Variants in MKI67 observed in about 807,000 individuals in gnomAD.
MKI67 encodes marker of proliferation Ki-67, also known as proliferation marker protein Ki-67.
Under a neutral mutation model 233.5 loss-of-function variants are expected in MKI67, and 152 were observed. The observed-to-expected ratio is 0.65, with a 90% CI of 0.57 to 0.74. The LOEUF is 0.74. Ranked by LOEUF, MKI67 falls within the 30% of genes least tolerant of loss-of-function variation. The pLI is 0.00. For synonymous variants in MKI67, 1,465 were observed against 1,418.5 expected, an observed-to-expected ratio of 1.03 and a Z score of -0.74; for missense variants, 3,940 against 3,885.2, an observed-to-expected ratio of 1.01 and a Z score of -0.37.
At chr10:128,102,127 G>A (rs1324312629) in intron 13 of MKI67, among the ~76,000 whole-genome samples, 1 of 152,178 alleles carries the variant, frequency 6.6e-6, no homozygotes, top group African/African-American at 2.4e-5. Flanking sequence ...CATGCAGTGG[G>A]AGCCTCTCTA....
chr10:128,107,016 A>G lies in MKI67; in HGVS notation c.4824T>C (p.Asp1608=). 4 of 1,610,654 alleles carry G rather than the reference A, an allele frequency of 2.5e-6. No homozygotes were observed. The highest frequency in any genetic ancestry group is 1.1e-5 in the South Asian group (1 of 90,900). ...RGHTEESMTN[D]KTAKVACKSS... Reference sequence around the variant, plus strand: ...ATTTGCAGGCTACTTTGGCAGTTTTATCGTTAGTCATTGATTCCTCAGTGT... The same window carrying G: ...ATTTGCAGGCTACTTTGGCAGTTTTGTCGTTAGTCATTGATTCCTCAGTGT... The change falls in exon 13 of 15, where the codon GAT becomes GAC. Residue 1608 remains aspartate, a synonymous_variant. Coordinates refer to ENST00000368654, the MANE Select transcript of MKI67 (RefSeq NM_002417.5).
chr10:128,106,414 G>C lies in MKI67; in HGVS notation c.5426C>G (p.Pro1809Arg). Residue 1809 changes from proline (P) to arginine (R), a missense_variant, in exon 13 of 15, where the codon CCA (proline) becomes CGA (arginine). Transcript: ENST00000368654. ...LGTPVQKLDQ[P>R]GNLPGSNRRL... ...TCTATTGCTGCCAGGTAAATTTCCT[G>C]GCTGGTCCAGTTTCTGCACTGGAGT... 1 of 1,611,588 alleles carries C rather than the reference G, an allele frequency of 6.2e-7. No individual in the cohort carries two copies. Among genetic ancestry groups the C allele is most frequent in the Non-Finnish European group, 8.5e-7 (1 of 1,179,388 alleles).
Position 128,103,268 on chromosome 10 carries a change from C to A in MKI67, c.8572G>T (p.Val2858Phe). ...CCTGAGGTTTGTGTGAGCTTGCCAA[C>A]TGCTAACAGCTCCTCCTTCACTTCT... is the stretch of plus-strand genomic sequence containing the variant. ...KVEVKEELLA[V>F]GKLTQTSGET... Residue 2858 changes from valine to phenylalanine, a missense_variant, in exon 13 of 15, where the codon GTT becomes TTT. By Grantham distance (50) the Val-to-Phe change is conservative. Transcript: ENST00000368654. 6.2e-7 allele frequency: 1 copy of A among 1,614,176 alleles called. No individual in the cohort carries two copies. Among genetic ancestry groups the A allele is most frequent in the African/African-American group, 1.3e-5 (1 of 75,056 alleles).
rs1209550017 is a variant in MKI67, at chr10:128,103,869, T to C, written c.7971A>G (p.Val2657=). The C allele has an allele frequency of 6.2e-7, 1 of 1,614,174 alleles. No individual in the cohort carries two copies. The change falls in exon 13 of 15, where the codon GTA becomes GTG. Residue 2657 remains valine (V), a synonymous_variant. Coordinates refer to ENST00000368654, the MANE Select transcript of MKI67 (RefSeq NM_002417.5). The part of the protein sequence containing the change: ...KQRAKKKPNP[V]EEEPSRRRPR... ...GCCTTCTCCTGCTGGGTTCCTCTTC[T>C]ACTGGGTTTGGTTTCTTCTTTGCAC...
In MKI67 at chr10:128,103,781, CAG is replaced by C. The variant is rs771470063; in HGVS notation, c.8057_8058del (p.Ser2686Ter). ...GATTCCTGAGTGTGACCTGATGTTT[CAG>C]AGAGCTCTGTGAAGCCGGCCAGGTC... ...LEDLAGFTEL[S>X]ETSGHTQESL... is the part of the protein sequence containing the mutation. On this transcript the variant is annotated frameshift_variant, in exon 13 of 15. Coordinates refer to ENST00000368654, the MANE Select transcript of MKI67 (RefSeq NM_002417.5). LOFTEE classifies it high-confidence loss of function. 5.6e-6 allele frequency: 9 copies of C among 1,613,456 alleles called. No individual in the cohort carries two copies. The highest frequency in any genetic ancestry group is 7.6e-6 in the Non-Finnish European group (9 of 1,179,876).
rs12777740 is a variant in MKI67, at chr10:128,103,894, C to T, written c.7946G>A (p.Arg2649His). The change falls in exon 13 of 15, where the codon CGT (arginine) becomes CAT (histidine). Residue 2649 changes from arginine (R) to histidine (H), a missense_variant. Coordinates refer to ENST00000368654, the MANE Select transcript of MKI67 (RefSeq NM_002417.5). The stretch of plus-strand genomic sequence containing the variant: ...TACTGGGTTTGGTTTCTTCTTTGCA[C>T]GTTGCTTCAATACTTTGATGCCCTC... ...GDEGIKVLKQ[R>H]AKKKPNPVEE... The T allele has an allele frequency of 0.18, 291,836 of 1,613,672 alleles. 27,319 individuals carry two copies. The highest frequency in any genetic ancestry group is 0.28 in the African/African-American group (20,840 of 74,814).
Position 128,099,014 on chromosome 10 carries a change from C to T in MKI67, c.*176G>A. ...AACTATTCTCAGTCCAGGAGCCCAG[C>T]AGTGCTCCCAGTGGAGTTTATGAAG... On this transcript the variant is annotated 3_prime_UTR_variant, in exon 15 of 15. Transcript: ENST00000368654. 1 of 526,388 alleles carries T rather than the reference C, an allele frequency of 1.9e-6. No individual in the cohort carries two copies. Among genetic ancestry groups the T allele is most frequent in the Non-Finnish European group, 3.3e-6 (1 of 298,922 alleles). 32.6% of individuals were successfully genotyped at this position (526,388 alleles called of 1,614,324 possible).
At position 128,112,414 on chromosome 10, in the gene MKI67, G is replaced by A. The variant is rs767224508; in HGVS notation, c.1688C>T (p.Ser563Leu). 11 of 1,613,974 alleles carry A rather than the reference G, an allele frequency of 6.8e-6. No homozygotes were observed. The highest frequency in any genetic ancestry group is 9.3e-6 in the Non-Finnish European group (11 of 1,179,992). ...CACTTCCACATGGATTTCTGAACCT[G>A]ACTCTTGTTTTCCTGATGGTTGAGG... Reference protein sequence around the residue: ...EQPQPSGKQESGSEIHVEVKA... With the variant: ...EQPQPSGKQELGSEIHVEVKA... Residue 563 changes from serine (S) to leucine (L), a missense_variant, in exon 9 of 15, where the codon TCA becomes TTA. Ser to Leu is a moderately radical substitution (Grantham distance 145). Transcript: ENST00000368654.
Position 128,105,979 on chromosome 10 carries a change from A to G in MKI67, c.5861T>C (p.Leu1954Pro). ...PKEKAKALED[L>P]AGFKELFQTP... The stretch of plus-strand genomic sequence containing the variant: ...CTGGAAGAGCTCTTTGAAGCCAGCC[A>G]GATCTTCTAGAGCCTTGGCCTTTTC... Residue 1954 changes from leucine to proline, a missense_variant, in exon 13 of 15, where the codon CTG becomes CCG. By Grantham distance (98) the Leu-to-Pro change is moderately conservative. Coordinates refer to ENST00000368654, the MANE Select transcript of MKI67 (RefSeq NM_002417.5). The G allele has an allele frequency of 6.2e-7, 1 of 1,614,226 alleles. No homozygotes were observed. Among genetic ancestry groups the G allele is most frequent in the Non-Finnish European group, 8.5e-7 (1 of 1,180,040 alleles).
Position 128,109,276 on chromosome 10 carries a change from T to C in MKI67, c.2564A>G (p.Glu855Gly), listed in dbSNP as rs755633400. The stretch of plus-strand genomic sequence containing the variant: ...TGTCTCAGTATCTGAAGTTTTTGTC[T>C]CCAGAGAAGTCATTTTGTAGGTGTT... ...PRNTYKMTSL[E>G]TKTSDTETEP... is the part of the protein sequence containing the mutation. The change falls in exon 13 of 15, where the codon GAG becomes GGG. Residue 855 changes from glutamate (E) to glycine (G), a missense_variant. By Grantham distance (98) the Glu-to-Gly change is moderately conservative (BLOSUM62 -2). Transcript: ENST00000368654. The C allele has an allele frequency of 7.4e-6, 12 of 1,614,080 alleles. No homozygotes were observed. Among genetic ancestry groups the C allele is most frequent in the Non-Finnish European group, 1.0e-5 (12 of 1,180,038 alleles).
rs765383857 is a variant in MKI67 at position 128,105,728 on chromosome 10, T to C, written c.6112A>G (p.Ser2038Gly). The change falls in exon 13 of 15, where the codon AGC becomes GGC. Residue 2038 changes from serine to glycine, a missense_variant. By Grantham distance (56) the Ser-to-Gly change is moderately conservative. Transcript: ENST00000368654. The part of the protein sequence containing the change: ...THRETAGDGK[S>G]IKAFKESAKQ... Reference sequence around the variant, plus strand: ...GCAGATTCCTTAAACGCTTTGATGCTCTTTCCATCTCCTGCTGTCTCTCTG... The same window carrying C: ...GCAGATTCCTTAAACGCTTTGATGCCCTTTCCATCTCCTGCTGTCTCTCTG... The C allele has an allele frequency of 1.6e-5, 26 of 1,614,022 alleles. 1 individual carries two copies. The highest frequency in any genetic ancestry group is 1.6e-4 in the Middle Eastern group (1 of 6,084).
rs751038331 is a variant in MKI67 at position 128,104,316 on chromosome 10, A to G, written c.7524T>C (p.Thr2508=). 3.1e-6 allele frequency: 5 copies of G among 1,613,948 alleles called. No individual in the cohort carries two copies. The highest frequency in any genetic ancestry group is 4.2e-6 in the Non-Finnish European group (5 of 1,180,030). ...VSKLTRTSGE[T]TQTHTEPTGD... ...CTGTTGGCTCTGTGTGTGTTTGCGT[A>G]GTCTCCCCTGATGTCCGTGTGAGCT... The change falls in exon 13 of 15, where the codon ACT becomes ACC. Residue 2508 remains threonine (T), a synonymous_variant. Transcript: ENST00000368654.
At chr10:128,119,777 A>G (rs1166595094) in intron 4 of MKI67, among the ~76,000 whole-genome samples, 1 of 152,238 alleles carries the variant, frequency 6.6e-6, no homozygotes, top group Admixed American at 6.5e-5. Flanking sequence ...AGCTACACTT[A>G]CACTACAGGG....
intron 5 of MKI67, among the ~76,000 whole-genome samples, chr10:128,117,877 T>G (rs974054948): frequency 3.3e-5 from 5 of 152,258 alleles, no homozygotes; most frequent in African/African-American, 1.2e-4. Flanking sequence ...ATTTCAGTAC[T>G]CACTATATCA....
At chr10:128,123,266 A>T in intron 2 of MKI67, 97 bp from the exon 3 acceptor site, 1 of 837,506 alleles carries the variant, frequency 1.2e-6, no homozygotes, top group South Asian at 1.4e-5. Flanking sequence ...AGAATGTTTG[A>T]TCTGTAAATA....
chr10:128,114,919 TA>T lies in MKI67; in HGVS notation c.1480+8del. 1 of 1,536,042 alleles carries T rather than the reference TA, an allele frequency of 6.5e-7. No individual in the cohort carries two copies. The highest frequency in any genetic ancestry group is 2.3e-5 in the East Asian group (1 of 44,000). ...TTAGAAAAATAAATTTACAATTAAA[TA>T]AACTTACTAATGGAATCACCAAAGT... is the stretch of plus-strand genomic sequence containing the variant. On this transcript the variant is annotated splice_region_variant and intron_variant, in intron 7 of 14. Coordinates refer to ENST00000368654, the MANE Select transcript of MKI67 (RefSeq NM_002417.5).
Position 128,115,978 on chromosome 10 carries a change from A to C in MKI67, c.430T>G (p.Ser144Ala). 1.2e-6 allele frequency: 2 copies of C among 1,605,364 alleles called. No individual in the cohort carries two copies. Among genetic ancestry groups the C allele is most frequent in the Non-Finnish European group, 1.7e-6 (2 of 1,177,708 alleles). Residue 144 changes from serine to alanine, a missense_variant, in exon 7 of 15, where the codon TCA (serine) becomes GCA (alanine). By Grantham distance (99) the Ser-to-Ala change is moderately conservative. Coordinates refer to ENST00000368654, the MANE Select transcript of MKI67 (RefSeq NM_002417.5). ...DEKAQDSKAY[S>A]KITEGKVSGN... ...GAAACTTTTCCTTCAGTGATTTTTG[A>C]ATAGGCCTTGGAATCTTGAGCTTTC...
At chr10:128,121,304 T>C (rs1055017743) in intron 4 of MKI67, among the ~76,000 whole-genome samples, 2 of 148,808 alleles carry the variant, frequency 1.3e-5, no homozygotes, top group Non-Finnish European at 3.0e-5. Flanking sequence ...ATTATAGATT[T>C]GAATCTAACG....
chr10:128,119,268 T>G lies in MKI67; in HGVS notation c.339A>C (p.Arg113Ser). 6.2e-7 allele frequency: 1 copy of G among 1,608,218 alleles called. No homozygotes were observed. The highest frequency in any genetic ancestry group is 8.5e-7 in the Non-Finnish European group (1 of 1,174,890). ...QNGRKSTEFP[R>S]KIREQEPARR... ...TTTCTATCACCTGTTCACGTATTTT[T>G]CTTGGAAATTCAGTTGACTTCCTTC... Residue 113 changes from arginine to serine, a missense_variant, in exon 5 of 15, where the codon AGA (arginine) becomes AGC (serine). By Grantham distance (110) the Arg-to-Ser change is moderately radical (BLOSUM62 -1). Transcript: ENST00000368654.
Sources: gnomAD v4.1 joint callset for allele counts (sites outside exome capture counted in the v4.1 genomes callset) on GRCh38, gnomAD v4.1.1 for gene constraint, MANE v1.5 for transcripts, NCBI Gene and HGNC (gene_info 2026-07-23, HGNC 2026-07-21) for gene names.